The following SPTAN1 variants were observed in gnomAD, a reference collection of about 807,000 sequenced individuals.
SPTAN1 encodes the protein spectrin alpha chain, non-erythrocytic 1.
In SPTAN1, 61 loss-of-function variants were observed where a neutral mutation model predicts 331.3. The ratio of observed to expected loss-of-function variants is 0.18; its 90% CI spans 0.15 to 0.23. The LOEUF is 0.23. SPTAN1 is among the 10% of genes least tolerant of loss of function. The pLI is 1.00. For synonymous variants in SPTAN1, 1,153 were observed against 1,173.9 expected (o/e 0.98, Z 0.36); for missense variants, 2,043 against 3,147.9 (o/e 0.65, Z 8.40).
chr9:128,601,412 A>C (rs1855135824), intron 27 of SPTAN1: 1 of 152,126 alleles, frequency 6.6e-6, no homozygotes. Context: ...CAAGTTAGAC[A>C]GCAGATTCTG....
At chr9:128,608,076 A>C (rs1284657226) in intron 33 of SPTAN1, 27 bp downstream of exon 33, 1 of 1,614,124 alleles carries the variant, frequency 6.2e-7, no homozygotes, top group Admixed American at 1.7e-5. Context: ...TTTCTGACCA[A>C]GTGTTTCCTT....
In SPTAN1 at chr9:128,557,848, G is replaced by C. The variant is rs374470645; in HGVS notation, c.-4+5152G>C. Among the ~76,000 whole-genome samples, 186 of 140,906 alleles carry C rather than the reference G, an allele frequency of 1.3e-3. 2 individuals carry two copies. In the East Asian group the frequency reaches 0.029, roughly 22 times the overall value. 92.4% of individuals were successfully genotyped at this position (140,906 alleles called of 152,430 possible). A position where few individuals can be genotyped will look rare whatever the true frequency, so the allele number is the denominator to read the frequency against. Reference sequence around the variant, plus strand: ...AGACGGAGTCTCGCTCTGTCGCCCAGGCTGGAGTGCAGTGGCGCGATCTCG... The same window carrying C: ...AGACGGAGTCTCGCTCTGTCGCCCACGCTGGAGTGCAGTGGCGCGATCTCG... On this transcript the variant is annotated intron_variant, in intron 1 of 56. Transcript: ENST00000372739.
At position 128,573,815 on chromosome 9, in the gene SPTAN1, A is replaced by C. The variant is rs139262591; in HGVS notation, c.364-860A>C. On this transcript the variant is annotated intron_variant, in intron 3 of 56. Coordinates refer to ENST00000372739, the MANE Select transcript of SPTAN1 (RefSeq NM_001130438.3). ...GTCGCCCAGACTGAAGCACAGTGGC[A>C]CAATCATGGCTCACTGCAAGCTCCA... 2.8e-3 allele frequency among the ~76,000 whole-genome samples: 422 copies of C among 151,370 alleles called. 10 individuals carry two copies. In the East Asian group the frequency reaches 0.04, roughly 14 times the overall value.
At chr9:128,563,028 GTATATATTT>G (rs1849605615) in intron 1 of SPTAN1, among the ~76,000 whole-genome samples, 1 of 134,060 alleles carries the variant, frequency 7.5e-6, no homozygotes, top group Admixed American at 7.6e-5. Context: ...ATATATATAT[GTATATATTT>G]TATTACAAAA....
At chr9:128,624,938 G>C (rs913891090) in intron 46 of SPTAN1, 165 bp from the exon 47 acceptor site, 2 of 706,720 alleles carry the variant, frequency 2.8e-6, no homozygotes, top group African/African-American at 3.5e-5. Context: ...TGGAGGCCAG[G>C]CCTGGGTGCA....
At chr9:128,578,555 G>A (rs1207450528) in intron 9 of SPTAN1, among the ~76,000 whole-genome samples, 2 of 152,164 alleles carry the variant, frequency 1.3e-5, no homozygotes, top group African/African-American at 4.8e-5. Flanking sequence ...GTTGGGCCAG[G>A]CACGGTGGCT....
rs1851156251 is a variant in SPTAN1 at position 128,575,065 on chromosome 9, C to G, written c.505-134C>G. 1.1e-4 allele frequency: 150 copies of G among 1,383,080 alleles called. 4 individuals are homozygous for G. The South Asian group carries it at 1.7e-3, about 16-fold the overall frequency. 85.7% of individuals were successfully genotyped at this position (1,383,080 alleles called of 1,614,324 possible). On this transcript the variant is annotated intron_variant, in intron 4 of 56. Coordinates refer to ENST00000372739, the MANE Select transcript of SPTAN1 (RefSeq NM_001130438.3). The stretch of plus-strand genomic sequence containing the variant: ...AACTTTCTGTGGGAGGAACTAAAAT[C>G]ACAAACCACAGACAAAACTGTATCC...
rs1177783409 is a variant in SPTAN1, at chr9:128,632,689, G to A, written c.7131G>A (p.Glu2377=). The A allele has an allele frequency of 6.2e-7, 1 of 1,614,018 alleles. No individual in the cohort carries two copies. The highest frequency in any genetic ancestry group is 1.7e-5 in the Admixed American group (1 of 60,022). The change falls in exon 55 of 57, where the codon GAG becomes GAA. Residue 2377 remains glutamate, a synonymous_variant. Coordinates refer to ENST00000372739, the MANE Select transcript of SPTAN1 (RefSeq NM_001130438.3). ...VEEGEPDPEF[E]AILDTVDPNR... ...AAGGGGAACCTGACCCTGAGTTCGA[G>A]GCAATCCTGGACACGGTGGATCCGA...
At position 128,615,701 on chromosome 9, in the gene SPTAN1, G is replaced by A. The variant is rs1428469795; in HGVS notation, c.5218G>A (p.Val1740Ile). The A allele has an allele frequency of 5.0e-6, 8 of 1,614,056 alleles. No homozygotes were observed. The highest frequency in any genetic ancestry group is 6.8e-6 in the Non-Finnish European group (8 of 1,180,050). ...CAGCAGTGCCTTCGACACCTCCCAA[G>A]TAAAGGACAAGAGGGACACCATCAA... ...MTSSAFDTSQ[V>I]KDKRDTINGR... The change falls in exon 41 of 57, where the codon GTA becomes ATA. Residue 1740 changes from valine (V) to isoleucine (I), a missense_variant. Transcript: ENST00000372739.
intron 27 of SPTAN1, among the ~76,000 whole-genome samples, chr9:128,601,964 G>A (rs904421019): frequency 5.9e-5 from 9 of 152,068 alleles, no homozygotes; most frequent in African/African-American, 2.2e-4. Context: ...GCAAAACTTG[G>A]TCATTGATGA....
intron 27 of SPTAN1, among the ~76,000 whole-genome samples, chr9:128,602,641 T>C (rs1002358623): frequency 1.3e-5 from 2 of 151,826 alleles, no homozygotes; most frequent in African/African-American, 4.8e-5. Context: ...TTGTATTTTA[T>C]TTATTTATTT....
chr9:128,607,520 A>G (rs1414495852), intron 31 of SPTAN1, 84 bp from the exon 32 acceptor site: 2 of 1,217,854 alleles, frequency 1.6e-6, no homozygotes, highest in Non-Finnish European at 2.4e-6. Flanking sequence ...TGAGGCAAGA[A>G]TTATGTCATT....
At chr9:128,585,356 C>T (rs1470339569) in intron 18 of SPTAN1, among the ~76,000 whole-genome samples, 1 of 152,024 alleles carries the variant, frequency 6.6e-6, no homozygotes, top group Non-Finnish European at 1.5e-5. Flanking sequence ...ATCTGTGAAA[C>T]GGGGATGACA....
chr9:128,554,420 G>A (rs1333778580), intron 1 of SPTAN1, among the ~76,000 whole-genome samples: 1 of 152,190 alleles, frequency 6.6e-6, no homozygotes, highest in East Asian at 1.9e-4. Flanking sequence ...AGGTGCACAT[G>A]GGGAGAGCTG....
chr9:128,607,761 G>A (rs1010317590), intron 32 of SPTAN1, 58 bp downstream of exon 32: 90 of 1,610,854 alleles, frequency 5.6e-5, no homozygotes, highest in Non-Finnish European at 6.9e-5. Context: ...GGCCCTAGAG[G>A]CCTCATTCCC....
intron 21 of SPTAN1, among the ~76,000 whole-genome samples, chr9:128,589,875 G>A (rs571532516): frequency 2.0e-5 from 3 of 152,096 alleles, no homozygotes; most frequent in Non-Finnish European, 4.4e-5. Context: ...GCGCCTGGCC[G>A]ACCTGTTGGT....
Position 128,633,301 on chromosome 9 carries a change from C to T in SPTAN1, c.7401C>T (p.Tyr2467=), listed in dbSNP as rs766927132. The change falls in exon 57 of 57, where the codon TAC becomes TAT. Residue 2467 remains tyrosine (Y), a synonymous_variant. Transcript: ENST00000372739. The part of the protein sequence containing the change: ...KGRELPTAFD[Y]VEFTRSLFVN ...GCGAGCTCCCCACCGCGTTCGACTA[C>T]GTGGAGTTCACCCGCTCGCTTTTCG... 3.6e-5 allele frequency: 58 copies of T among 1,613,900 alleles called. No homozygotes were observed. The highest frequency in any genetic ancestry group is 3.6e-4 in the East Asian group (16 of 44,892).
intron 1 of SPTAN1, among the ~76,000 whole-genome samples, chr9:128,564,193 G>A (rs1849737378): frequency 6.6e-6 from 1 of 152,080 alleles, no homozygotes; most frequent in Non-Finnish European, 1.5e-5. Context: ...GGCCAAGGCG[G>A]GTGGATCACG....
chr9:128,578,675 A>G (rs768305579), intron 9 of SPTAN1, among the ~76,000 whole-genome samples: 48 of 152,070 alleles, frequency 3.2e-4, no homozygotes, highest in Non-Finnish European at 6.3e-4. Flanking sequence ...CTAAAAATGC[A>G]ACAGTTAGCT....
Sources: allele counts gnomAD v4.1 joint callset (sites outside exome capture counted in the v4.1 genomes callset), GRCh38; gene constraint gnomAD v4.1.1; transcripts MANE v1.5; gene names NCBI Gene and HGNC (gene_info 2026-07-23, HGNC 2026-07-21).